The following RALGAPA1 variants were observed in gnomAD, a reference collection of about 807,000 sequenced individuals.
RALGAPA1 encodes the protein ral GTPase-activating protein subunit alpha-1.
In RALGAPA1, 52 loss-of-function variants were observed where a neutral mutation model predicts 269.6. The observed-to-expected ratio is 0.19, with a 90% CI of 0.15 to 0.24. The LOEUF (loss-of-function observed/expected upper bound fraction) is 0.24. Ranked by LOEUF, RALGAPA1 falls within the 10% of genes least tolerant of loss-of-function variation. The pLI, the probability that RALGAPA1 is intolerant of heterozygous loss-of-function variation, is 1.00. For missense variants in RALGAPA1, 1,917 were observed against 3,013.9 expected, an observed-to-expected ratio of 0.64 and a Z score of 8.52; for synonymous variants, 817 against 1,008.3, an observed-to-expected ratio of 0.81 and a Z score of 3.60.
At chr14:35,736,314 A>G (rs1318266344) in intron 12 of RALGAPA1, among the ~76,000 whole-genome samples, 1 of 152,234 alleles carries the variant, frequency 6.6e-6, no homozygotes, top group Non-Finnish European at 1.5e-5. Flanking sequence ...TAGATAGCCA[A>G]GTGAAAATGA....
intron 3 of RALGAPA1, among the ~76,000 whole-genome samples, chr14:35,773,735 G>A (rs903392115): frequency 6.6e-6 from 1 of 151,724 alleles, no homozygotes; most frequent in Non-Finnish European, 1.5e-5. Context: ...AATTCCTCAG[G>A]GGTCACGACT....
chr14:35,756,830 T>C lies in RALGAPA1; in HGVS notation c.626A>G (p.Tyr209Cys). The change falls in exon 7 of 42, where the codon TAT becomes TGT. Residue 209 changes from tyrosine to cysteine, a missense_variant. Around this residue, in one of 11 missense-constraint regions of RALGAPA1, gnomAD observed 462 missense variants for 725.6 expected, o/e 0.64. Transcript: ENST00000680220. ...GTATTTTAGAAGTGCTTCAAGAAAA[T>C]AGCTTGTGAGATCTTCTTGCCCTTT... Reference protein sequence around the residue: ...GDKGQEDLTSYFLEALLKYIV... With the variant: ...GDKGQEDLTSCFLEALLKYIV... 4 of 1,610,516 alleles carry C rather than the reference T, an allele frequency of 2.5e-6. No homozygotes were observed. Among genetic ancestry groups the C allele is most frequent in the South Asian group, 1.1e-5 (1 of 90,772 alleles).
intron 36 of RALGAPA1, among the ~76,000 whole-genome samples, chr14:35,604,226 C>A (rs1225872521): frequency 1.3e-5 from 2 of 151,998 alleles, no homozygotes; most frequent in Non-Finnish European, 2.9e-5. Flanking sequence ...ATACCTAGTT[C>A]ATTACACTCA....
intron 35 of RALGAPA1, among the ~76,000 whole-genome samples, chr14:35,623,671 A>G (rs78937220): frequency 1.3e-5 from 2 of 152,248 alleles, no homozygotes; most frequent in Non-Finnish European, 1.5e-5. Context: ...TATACATGGC[A>G]TGAAATATCC....
At chr14:35,670,337 C>G (rs1427050726) in intron 26 of RALGAPA1, among the ~76,000 whole-genome samples, 1 of 152,152 alleles carries the variant, frequency 6.6e-6, no homozygotes, top group East Asian at 1.9e-4. Flanking sequence ...GTTTTTCTCA[C>G]AAAAACTCTT....
chr14:35,652,474 G>C (rs911489481), intron 30 of RALGAPA1, among the ~76,000 whole-genome samples: 1 of 152,082 alleles, frequency 6.6e-6, no homozygotes, highest in African/African-American at 2.4e-5. Flanking sequence ...CCAGGCTGGA[G>C]TGCAGTGGAG....
In RALGAPA1 at chr14:35,760,819, T is replaced by C. The variant is rs1428431659; in HGVS notation, c.547+10A>G. On this transcript the variant is annotated intron_variant, in intron 6 of 41. Transcript: ENST00000680220. ...AAACCTACTGACGGATAACATCCCATGAATCTTACTTTCTTGAAGGTTGAG... is the reference window on the plus strand; with the variant it reads ...AAACCTACTGACGGATAACATCCCACGAATCTTACTTTCTTGAAGGTTGAG... 1.2e-6 allele frequency: 2 copies of C among 1,605,072 alleles called. No homozygotes were observed. The highest frequency in any genetic ancestry group is 1.7e-6 in the Non-Finnish European group (2 of 1,174,012).
intron 17 of RALGAPA1, among the ~76,000 whole-genome samples, chr14:35,696,479 A>G (rs2066910887): frequency 6.6e-6 from 1 of 152,284 alleles, no homozygotes; most frequent in African/African-American, 2.4e-5. Context: ...ATCATATAGC[A>G]TCATACTTAC....
At chr14:35,583,220 A>C (rs1459659360) in intron 37 of RALGAPA1, among the ~76,000 whole-genome samples, 2 of 152,224 alleles carry the variant, frequency 1.3e-5, no homozygotes, top group Non-Finnish European at 2.9e-5. Context: ...GACAACATTT[A>C]AGAACAGATG....
intron 16 of RALGAPA1, among the ~76,000 whole-genome samples, chr14:35,713,219 A>C (rs1392367152): frequency 1.3e-5 from 2 of 152,234 alleles, no homozygotes; most frequent in Non-Finnish European, 2.9e-5. Context: ...GTACTGGACC[A>C]AGATAGCAGC....
intron 17 of RALGAPA1, among the ~76,000 whole-genome samples, chr14:35,699,720 A>C (rs1450107610): frequency 2.0e-5 from 3 of 152,152 alleles, no homozygotes; most frequent in Non-Finnish European, 4.4e-5. Flanking sequence ...TTCCATTACT[A>C]TAGATAATGC....
At chr14:35,576,354 A>G (rs1201545260) in intron 37 of RALGAPA1, among the ~76,000 whole-genome samples, 3 of 152,214 alleles carry the variant, frequency 2.0e-5, no homozygotes, top group Non-Finnish European at 4.4e-5. Flanking sequence ...AAGCAGGTAC[A>G]ATTGACTGCT....
chr14:35,575,697 C>T (rs967260580), intron 37 of RALGAPA1, among the ~76,000 whole-genome samples: 4 of 152,102 alleles, frequency 2.6e-5, no homozygotes, highest in African/African-American at 9.7e-5. Context: ...CAGGTTCAAG[C>T]GATTATCTTG....
At chr14:35,657,364 A>G (rs914932969) in intron 28 of RALGAPA1, among the ~76,000 whole-genome samples, 1 of 151,232 alleles carries the variant, frequency 6.6e-6, no homozygotes, top group Non-Finnish European at 1.5e-5. Flanking sequence ...AATTTTTTGT[A>G]TTTTTAGTAG....
intron 4 of RALGAPA1, among the ~76,000 whole-genome samples, chr14:35,767,987 C>A (rs1475813781): frequency 6.6e-6 from 1 of 152,096 alleles, no homozygotes; most frequent in Non-Finnish European, 1.5e-5. Context: ...GTTGCCCAGG[C>A]TGGTCTCGAA....
In RALGAPA1 at chr14:35,563,859, T is replaced by C. The variant is rs1156400755; in HGVS notation, c.7496+6758A>G. Among the ~76,000 whole-genome samples, 9 of 152,152 alleles carry C rather than the reference T, an allele frequency of 5.9e-5. No homozygotes were observed. In the East Asian group the frequency reaches 1.7e-3, roughly 29 times the overall value. On this transcript the variant is annotated intron_variant, in intron 39 of 41. Coordinates refer to ENST00000680220, the MANE Select transcript of RALGAPA1 (RefSeq NM_001346249.2). ...GGAGTTTCTCTCTTGTCGCCCAGGCTGGAGTGCAATGGTATGATCTCGGCT... is the reference window on the plus strand; with the variant it reads ...GGAGTTTCTCTCTTGTCGCCCAGGCCGGAGTGCAATGGTATGATCTCGGCT...
intron 31 of RALGAPA1, 110 bp from the exon 32 acceptor site, chr14:35,635,708 C>T: frequency 1.1e-6 from 1 of 915,122 alleles, no homozygotes; most frequent in Non-Finnish European, 1.5e-6. Flanking sequence ...AATCATCAAC[C>T]CTAAGTTCCA....
rs947988695 is a variant in RALGAPA1 at position 35,688,913 on chromosome 14, A to G, written c.3498T>C (p.Pro1166=). The G allele has an allele frequency of 7.9e-7, 1 of 1,261,640 alleles. No homozygotes were observed. Among genetic ancestry groups the G allele is most frequent in the Admixed American group, 3.8e-5 (1 of 26,372 alleles). The allele number at this position is 1,261,640 out of a possible 1,614,324, so 78.2% of individuals were successfully genotyped here. A position where few individuals can be genotyped will look rare whatever the true frequency, so the allele number is the denominator to read the frequency against. Residue 1166 remains proline, a synonymous_variant, in exon 18 of 42, where the codon CCT becomes CCC. Coordinates refer to ENST00000680220, the MANE Select transcript of RALGAPA1 (RefSeq NM_001346249.2). ...TCCATGGAGCCTCTTTGTTTTCCAG[A>G]GGATTATAAAACTGAACGGACTCAG... ...PSTESVQFYN[P]LENKEAPWKM... is the part of the protein sequence containing the mutation.
intron 16 of RALGAPA1, among the ~76,000 whole-genome samples, chr14:35,721,357 C>T (rs895185412): frequency 6.6e-6 from 1 of 152,130 alleles, no homozygotes. Context: ...GAGTAAATTC[C>T]TTCAATGAAA....
Sources: gnomAD v4.1 joint callset for allele counts (sites outside exome capture counted in the v4.1 genomes callset) on GRCh38, gnomAD v4.1.1 for gene constraint, gnomAD v4.1.1 regional missense constraint, MANE v1.5 for transcripts, NCBI Gene and HGNC (gene_info 2026-07-23, HGNC 2026-07-21) for gene names.